Variants in CAMSAP3 observed in about 807,000 individuals in gnomAD.
CAMSAP3 encodes the protein calmodulin-regulated spectrin-associated protein 3.
Under a neutral mutation model 112.5 loss-of-function variants are expected in CAMSAP3, and 34 were observed. That is an observed-to-expected ratio of 0.30 (90% CI 0.23 to 0.40). The LOEUF is 0.40. Ranked by LOEUF, CAMSAP3 falls within the 10% of genes least tolerant of loss-of-function variation. CAMSAP3 has a pLI of 1.00. For missense variants in CAMSAP3, 1,602 were observed against 1,770.3 expected (o/e 0.90, Z 1.71); for synonymous variants, 868 against 799.8 (o/e 1.09, Z -1.44).
chr19:7,596,063 A>G lies in CAMSAP3; in HGVS notation c.61A>G (p.Ile21Val). 3 of 1,278,652 alleles carry G rather than the reference A, an allele frequency of 2.3e-6. No homozygotes were observed. The highest frequency in any genetic ancestry group is 1.4e-5 in the South Asian group (1 of 69,378). 79.2% of individuals were successfully genotyped at this position (1,278,652 alleles called of 1,614,324 possible). ...GCGGAGGACCTTTCTAGTGCCCGAG[A>G]TCAAGTCGCTGGACCAGTACGATTT... ...PLRRTFLVPE[I>V]KSLDQYDFSR... The change falls in exon 1 of 17, where the codon ATC becomes GTC. Residue 21 changes from isoleucine (I) to valine (V), a missense_variant. This residue lies in a region of CAMSAP3 where 147 missense variants were observed against 144.6 expected (regional missense o/e 1.02). Transcript: ENST00000160298.
Position 7,612,191 on chromosome 19 carries a change from C to T in CAMSAP3, c.1698C>T (p.Ser566=). The T allele has an allele frequency of 1.2e-6, 2 of 1,607,702 alleles. No homozygotes were observed. Among genetic ancestry groups the T allele is most frequent in the Non-Finnish European group, 1.7e-6 (2 of 1,177,604 alleles). ...CCAACTCCGAGGTGAAAATGACCAG[C>T]TTTGCAGAACGCAAGAAACAGCTGG... ...AATNSEVKMT[S]FAERKKQLVK... The change falls in exon 11 of 17, where the codon AGC becomes AGT. Residue 566 remains serine (S), a synonymous_variant. Transcript: ENST00000160298.
At position 7,607,967 on chromosome 19, in the gene CAMSAP3, C is replaced by A; in HGVS notation, c.622-159C>A. 3.3e-6 allele frequency: 3 copies of A among 903,028 alleles called. No individual in the cohort carries two copies. The highest frequency in any genetic ancestry group is 3.5e-6 in the Non-Finnish European group (2 of 567,992). The allele number at this position is 903,028 out of a possible 1,614,324, so 55.9% of individuals were successfully genotyped here. On this transcript the variant is annotated intron_variant, in intron 4 of 16. Transcript: ENST00000160298. The surrounding 1 kb of genome is among the most constrained non-coding windows in gnomAD (Gnocchi z 4.9). ...ACATCTCCTCTGCCTCTTGCTGCTGCCCCTCCCCTGCTCCAGGCTGGCCCC... is the reference window on the plus strand; with the variant it reads ...ACATCTCCTCTGCCTCTTGCTGCTGACCCTCCCCTGCTCCAGGCTGGCCCC...
intron 1 of CAMSAP3, among the ~76,000 whole-genome samples, chr19:7,599,388 C>T (rs2029863683): frequency 7.0e-6 from 1 of 143,642 alleles, no homozygotes; most frequent in Non-Finnish European, 1.5e-5. Flanking sequence ...ATCCATCCAC[C>T]CATCCATCCA....
intron 2 of CAMSAP3, 87 bp from the exon 3 acceptor site, chr19:7,606,179 ATCTGC>A: frequency 4.5e-6 from 1 of 222,520 alleles, no homozygotes; most frequent in Non-Finnish European, 7.0e-6. Flanking sequence ...AGTCCCTCCC[ATCTGC>A]AGGTTCTTCC....
chr19:7,607,854 A>G lies in CAMSAP3; in HGVS notation c.622-272A>G. The G allele has an allele frequency of 2.2e-6, 3 of 1,338,092 alleles. No individual in the cohort carries two copies. The highest frequency in any genetic ancestry group is 3.0e-6 in the Non-Finnish European group (3 of 986,664). 82.9% of individuals were successfully genotyped at this position (1,338,092 alleles called of 1,614,324 possible). On this transcript the variant is annotated intron_variant, in intron 4 of 16. Transcript: ENST00000160298. This position sits in a 1 kb window ranked among gnomAD's most constrained non-coding sequence, Gnocchi z 4.9. ...TGCCTTCTGTTTGAAGGAGTCGGGGAGCAAACCCCCCATGGTAATGTATCC... is the reference window on the plus strand; with the variant it reads ...TGCCTTCTGTTTGAAGGAGTCGGGGGGCAAACCCCCCATGGTAATGTATCC...
rs2030508920 is a variant in CAMSAP3, at chr19:7,611,856, G to T, written c.1363G>T (p.Asp455Tyr). Residue 455 changes from aspartate (D) to tyrosine (Y), a missense_variant, in exon 11 of 17, where the codon GAC becomes TAC. Physicochemically the swap from Asp to Tyr is radical, Grantham distance 160. Transcript: ENST00000160298. This position sits in a 1 kb window ranked among gnomAD's most constrained non-coding sequence, Gnocchi z 6.9. Reference sequence around the variant, plus strand: ...CACCCAGCCACCCCCGGAGCCTGGTGACCTGCCCACCATCGAGGAAGCTCT... The same window carrying T: ...CACCCAGCCACCCCCGGAGCCTGGTTACCTGCCCACCATCGAGGAAGCTCT... ...TPTQPPPEPG[D>Y]LPTIEEALQI... is the part of the protein sequence containing the mutation. 4 of 1,568,826 alleles carry T rather than the reference G, an allele frequency of 2.5e-6. No individual in the cohort carries two copies. Among genetic ancestry groups the T allele is most frequent in the Non-Finnish European group, 3.5e-6 (4 of 1,157,456 alleles).
Position 7,616,639 on chromosome 19 carries a change from C to G in CAMSAP3, c.3212+17C>G, listed in dbSNP as rs763203554. On this transcript the variant is annotated intron_variant, in intron 14 of 16. Coordinates refer to ENST00000160298, the MANE Select transcript of CAMSAP3 (RefSeq NM_020902.2). ...CACGTCTCGGTGAGTTTAGCCCGCA[C>G]AGGCGGGGTTCGTATGCCGGGTGGC... is the stretch of plus-strand genomic sequence containing the variant. 1.3e-6 allele frequency: 2 copies of G among 1,583,608 alleles called. No individual in the cohort carries two copies. Among genetic ancestry groups the G allele is most frequent in the East Asian group, 2.2e-5 (1 of 44,726 alleles).
chr19:7,608,031 C>G lies in CAMSAP3; in HGVS notation c.622-95C>G, dbSNP rs2030304802. ...TGGGACCCCCAGCTTCCCGCCCCCTCATGGCGGAAACCCCAGGCCTCCCTG... is the reference window on the plus strand; with the variant it reads ...TGGGACCCCCAGCTTCCCGCCCCCTGATGGCGGAAACCCCAGGCCTCCCTG... On this transcript the variant is annotated intron_variant, in intron 4 of 16. Transcript: ENST00000160298. The G allele has an allele frequency of 8.8e-6, 13 of 1,474,246 alleles. No individual in the cohort carries two copies. In the South Asian group the frequency reaches 1.6e-4, roughly 18 times the overall value. 91.3% of individuals were successfully genotyped at this position (1,474,246 alleles called of 1,614,324 possible). A position where few individuals can be genotyped will look rare whatever the true frequency, so the allele number is the denominator to read the frequency against.
Position 7,612,096 on chromosome 19 carries a change from G to A in CAMSAP3, c.1603G>A (p.Gly535Arg). Residue 535 changes from glycine (G) to arginine (R), a missense_variant, in exon 11 of 17, where the codon GGG becomes AGG. Gly to Arg is a moderately radical substitution (Grantham distance 125, BLOSUM62 -2). Coordinates refer to ENST00000160298, the MANE Select transcript of CAMSAP3 (RefSeq NM_020902.2). ...TPSKPSPCLVGEASKPPAPSE... is the reference protein window; with the variant it reads ...TPSKPSPCLVREASKPPAPSE... ...CTCGAAACCATCTCCCTGTCTGGTG[G>A]GGGAGGCATCGAAACCGCCAGCCCC... 1 of 1,609,956 alleles carries A rather than the reference G, an allele frequency of 6.2e-7. No homozygotes were observed. Among genetic ancestry groups the A allele is most frequent in the Non-Finnish European group, 8.5e-7 (1 of 1,177,466 alleles).
Position 7,612,690 on chromosome 19 carries a change from G to A in CAMSAP3, c.2197G>A (p.Ala733Thr). Residue 733 changes from alanine to threonine, a missense_variant, in exon 11 of 17, where the codon GCC (alanine) becomes ACC (threonine). Around this residue, in one of 6 missense-constraint regions of CAMSAP3, gnomAD observed 1,100 missense variants for 1,135.7 expected, o/e 0.97. Transcript: ENST00000160298. ...QQQRLLAPPE[A>T]PGSAPPPAAW... is the part of the protein sequence containing the mutation. ...GCAGCGGCTCCTGGCCCCGCCCGAG[G>A]CCCCCGGATCCGCCCCACCACCTGC... is the stretch of plus-strand genomic sequence containing the variant. 6.6e-7 allele frequency: 1 copy of A among 1,515,220 alleles called. No homozygotes were observed. The highest frequency in any genetic ancestry group is 2.5e-5 in the East Asian group (1 of 40,490). 93.9% of individuals were successfully genotyped at this position (1,515,220 alleles called of 1,614,324 possible). A position where few individuals can be genotyped will look rare whatever the true frequency, so the allele number is the denominator to read the frequency against.
intron 1 of CAMSAP3, 93 bp from the exon 2 acceptor site, chr19:7,605,133 A>T: frequency 3.5e-6 from 2 of 572,532 alleles, no homozygotes; most frequent in Non-Finnish European, 5.1e-6. Context: ...ACACACTCTT[A>T]ATCCGGGCCA....
Position 7,613,113 on chromosome 19 carries a change from G to A in CAMSAP3, c.2620G>A (p.Glu874Lys). 1.9e-6 allele frequency: 3 copies of A among 1,545,732 alleles called. No homozygotes were observed. The highest frequency in any genetic ancestry group is 2.6e-6 in the Non-Finnish European group (3 of 1,145,662). ...TGGTGCTGAGGATTCCTTGGAGGAG[G>A]AGGCGTCTTCGGAGGGGGAGCCCCG... ...PAGAEDSLEE[E>K]ASSEGEPRVG... Residue 874 changes from glutamate (E) to lysine (K), a missense_variant, in exon 11 of 17, where the codon GAG becomes AAG. Glu to Lys is a moderately conservative substitution (Grantham distance 56, BLOSUM62 1). Coordinates refer to ENST00000160298, the MANE Select transcript of CAMSAP3 (RefSeq NM_020902.2).
intron 14 of CAMSAP3, among the ~76,000 whole-genome samples, chr19:7,616,955 T>TTTTTTG (rs2030840237): frequency 3.6e-5 from 5 of 139,814 alleles, no homozygotes; most frequent in African/African-American, 1.3e-4. Flanking sequence ...TTTTTTTTTT[T>TTTTTTG]TTTGTTTTTT....
chr19:7,605,619 C>G, intron 2 of CAMSAP3, 140 bp downstream of exon 2: 2 of 1,022,614 alleles, frequency 2.0e-6, no homozygotes, highest in Non-Finnish European at 2.6e-6. Context: ...AAGCCTAGCT[C>G]CTCCCATCAG....
Position 7,613,085 on chromosome 19 carries a change from C to T in CAMSAP3, c.2592C>T (p.Pro864=), listed in dbSNP as rs1156253575. The part of the protein sequence containing the change: ...PAAEDEGDGS[P]AGAEDSLEEE... Reference sequence around the variant, plus strand: ...CCGAGGACGAGGGAGACGGGAGCCCCGCTGGTGCTGAGGATTCCTTGGAGG... The same window carrying T: ...CCGAGGACGAGGGAGACGGGAGCCCTGCTGGTGCTGAGGATTCCTTGGAGG... Residue 864 remains proline (P), a synonymous_variant, in exon 11 of 17, where the codon CCC becomes CCT. Transcript: ENST00000160298. The T allele has an allele frequency of 1.9e-6, 3 of 1,547,290 alleles. No individual in the cohort carries two copies. The highest frequency in any genetic ancestry group is 2.7e-5 in the African/African-American group (2 of 72,872).
Position 7,610,883 on chromosome 19 carries a change from C to T in CAMSAP3, c.1001C>T (p.Ser334Phe), listed in dbSNP as rs1233404184. Residue 334 changes from serine (S) to phenylalanine (F), a missense_variant, in exon 8 of 17, where the codon TCC becomes TTC. Ser to Phe is a radical substitution (Grantham distance 155). Coordinates refer to ENST00000160298, the MANE Select transcript of CAMSAP3 (RefSeq NM_020902.2). The surrounding 1 kb of genome is among the most constrained non-coding windows in gnomAD (Gnocchi z 4.9). ...VKDLPDGHAA[S>F]PRGTEASPPQ... is the part of the protein sequence containing the mutation. Reference sequence around the variant, plus strand: ...CCTCTTCTCTGTACTGCAGCTGCCTCCCCCCGGGGCACTGAGGCCTCCCCA... The same window carrying T: ...CCTCTTCTCTGTACTGCAGCTGCCTTCCCCCGGGGCACTGAGGCCTCCCCA... 1.3e-6 allele frequency: 2 copies of T among 1,595,404 alleles called. No homozygotes were observed. The highest frequency in any genetic ancestry group is 1.7e-5 in the Admixed American group (1 of 58,552).
chr19:7,618,053 A>T lies in CAMSAP3; in HGVS notation c.3746A>T (p.Lys1249Ile). The T allele has an allele frequency of 1.2e-6, 2 of 1,611,088 alleles. No homozygotes were observed. The highest frequency in any genetic ancestry group is 1.7e-6 in the Non-Finnish European group (2 of 1,178,650). Residue 1249 changes from lysine (K) to isoleucine (I), a missense_variant, in exon 17 of 17, where the codon AAA (lysine) becomes ATA (isoleucine). Around this residue, in one of 6 missense-constraint regions of CAMSAP3, gnomAD observed 150 missense variants for 207.6 expected, o/e 0.72. Coordinates refer to ENST00000160298, the MANE Select transcript of CAMSAP3 (RefSeq NM_020902.2). ...CCCAAGAAGGGCGGCGGCACCCCCA[A>T]ATAGCCCCACCCGGGCGGTCCACGG... ...TTPKKGGGTP[K>I]
intron 1 of CAMSAP3, among the ~76,000 whole-genome samples, chr19:7,601,119 C>G (rs4804752): frequency 0.6 from 90,712 of 151,738 alleles, 27,652 homozygotes; most frequent in South Asian, 0.69. Context: ...GTTCCAAAGA[C>G]TTGGTCCAAA....
At position 7,612,278 on chromosome 19, in the gene CAMSAP3, C is replaced by T; in HGVS notation, c.1785C>T (p.Ala595=). 1 of 1,599,392 alleles carries T rather than the reference C, an allele frequency of 6.3e-7. No individual in the cohort carries two copies. Among genetic ancestry groups the T allele is most frequent in the Non-Finnish European group, 8.5e-7 (1 of 1,173,626 alleles). Residue 595 remains alanine, a synonymous_variant, in exon 11 of 17, where the codon GCC becomes GCT. Transcript: ENST00000160298. ...SPTSTPAPPE[A]LSSEMSELSA... ...CGTCCACTCCGGCCCCGCCGGAGGC[C>T]CTGAGCTCGGAGATGAGTGAGCTCA...
Sources: allele counts gnomAD v4.1 joint callset (sites outside exome capture counted in the v4.1 genomes callset), GRCh38; gene constraint gnomAD v4.1.1; regional missense constraint gnomAD v4.1.1; non-coding constraint Gnocchi (gnomAD v3.1); transcripts MANE v1.5; gene names NCBI Gene and HGNC (gene_info 2026-07-23, HGNC 2026-07-21).